The following NEDD4L variants were observed in gnomAD, a reference collection of about 807,000 sequenced individuals.
The protein encoded by NEDD4L is E3 ubiquitin-protein ligase NEDD4-like.
In NEDD4L, 54 loss-of-function variants were observed where a neutral mutation model predicts 148.9. The observed-to-expected ratio is 0.36, with a 90% confidence interval of 0.29 to 0.45. NEDD4L has a LOEUF of 0.45. Among genes scored for constraint, NEDD4L ranks in the 20% least tolerant of loss-of-function variants. The pLI is 1.00. For synonymous variants in NEDD4L, 433 were observed against 440.7 expected (o/e 0.98, Z 0.22); for missense variants, 856 against 1,233.8 (o/e 0.69, Z 4.59).
At chr18:58,395,474 G>C (rs2050368450) in intron 30 of NEDD4L, among the ~76,000 whole-genome samples, 1 of 152,156 alleles carries the variant, frequency 6.6e-6, no homozygotes, top group African/African-American at 2.4e-5. Flanking sequence ...CTATTGCCAG[G>C]GCGATTTGCA....
At chr18:58,306,824 G>A (rs988796244) in intron 5 of NEDD4L, among the ~76,000 whole-genome samples, 12 of 152,034 alleles carry the variant, frequency 7.9e-5, no homozygotes, top group African/African-American at 2.2e-4. Context: ...AGTACAGACC[G>A]GGTTTCACCA....
At chr18:58,245,368 C>A in intron 2 of NEDD4L, 59 bp from the exon 3 acceptor site, 1 of 811,938 alleles carries the variant, frequency 1.2e-6, no homozygotes, top group Non-Finnish European at 2.0e-6. Context: ...TTAGGTTCCA[C>A]TGTTTTCTCT....
chr18:58,110,182 C>G lies in NEDD4L; in HGVS notation c.49-55606C>G, dbSNP rs116232685. Reference sequence around the variant, plus strand: ...TTGGGTGTCCAAGTGGATAAATAGCCTTTCATGTGGAGGCTGAGGGCATGG... The same window carrying G: ...TTGGGTGTCCAAGTGGATAAATAGCGTTTCATGTGGAGGCTGAGGGCATGG... On this transcript the variant is annotated intron_variant, in intron 1 of 30. Transcript: ENST00000400345. Among the ~76,000 whole-genome samples the G allele has an allele frequency of 3.3e-3, 499 of 152,244 alleles. 5 individuals carry two copies. The highest frequency in any genetic ancestry group is 0.011 in the African/African-American group (453 of 41,538).
intron 1 of NEDD4L, among the ~76,000 whole-genome samples, chr18:58,126,530 C>G (rs546415110): frequency 6.6e-6 from 1 of 152,176 alleles, no homozygotes; most frequent in African/African-American, 2.4e-5. Flanking sequence ...TTAAAAAGTC[C>G]ATTCATCAAT....
At chr18:58,105,092 T>C (rs949407845) in intron 1 of NEDD4L, among the ~76,000 whole-genome samples, 15 of 152,142 alleles carry the variant, frequency 9.9e-5, no homozygotes, top group African/African-American at 3.1e-4. Flanking sequence ...CTGTAACTTA[T>C]AAGGTATGGT....
intron 1 of NEDD4L, among the ~76,000 whole-genome samples, chr18:58,084,710 T>TGTGTGTGTGTGTGTGTGTGTG (rs1599157510): frequency 6.6e-6 from 1 of 150,748 alleles, no homozygotes; most frequent in East Asian, 2.0e-4. Context: ...TGTGTGTGTG[T>TGTGTGTGTGTGTGTGTGTGTG]TTGAGACAGG....
intron 22 of NEDD4L, among the ~76,000 whole-genome samples, chr18:58,369,470 T>C (rs1353836763): frequency 2.2e-5 from 1 of 46,260 alleles, no homozygotes; most frequent in South Asian, 9.7e-4. Context: ...TGCACATCTG[T>C]CCGATGGGAA....
chr18:58,109,804 G>A (rs1196482112), intron 1 of NEDD4L, among the ~76,000 whole-genome samples: 2 of 151,974 alleles, frequency 1.3e-5, no homozygotes, highest in Non-Finnish European at 2.9e-5. Flanking sequence ...TCCTGACCTC[G>A]TGACCCACCT....
chr18:58,294,331 C>T (rs1184630955), intron 5 of NEDD4L, among the ~76,000 whole-genome samples: 1 of 152,108 alleles, frequency 6.6e-6, no homozygotes, highest in African/African-American at 2.4e-5. Context: ...ATTTTGGTAT[C>T]CATGTGTTTT....
intron 5 of NEDD4L, among the ~76,000 whole-genome samples, chr18:58,273,932 C>T (rs1437769853): frequency 1.3e-5 from 2 of 152,132 alleles, no homozygotes; most frequent in East Asian, 3.8e-4. Flanking sequence ...CCTCTCCCAT[C>T]CACACAGAGA....
At chr18:58,303,737 G>A (rs1254282264) in intron 5 of NEDD4L, among the ~76,000 whole-genome samples, 2 of 152,212 alleles carry the variant, frequency 1.3e-5, no homozygotes, top group African/African-American at 2.4e-5. Context: ...ATCCTGACCC[G>A]TGGTAGAGAT....
intron 1 of NEDD4L, among the ~76,000 whole-genome samples, chr18:58,077,160 CTTTTTTT>C (rs60248050): frequency 5.7e-4 from 28 of 48,920 alleles, no homozygotes; most frequent in African/African-American, 1.7e-3. Flanking sequence ...CTCATAACGG[CTTTTTTT>C]TTTTTTTTTT....
At chr18:58,345,837 G>T (rs1188062236) in intron 16 of NEDD4L, among the ~76,000 whole-genome samples, 1 of 151,816 alleles carries the variant, frequency 6.6e-6, no homozygotes, top group Non-Finnish European at 1.5e-5. Flanking sequence ...TGTCTCCCGG[G>T]TTCATGCGAT....
At chr18:58,258,340 T>TA (rs1237413798) in intron 5 of NEDD4L, among the ~76,000 whole-genome samples, 2 of 152,242 alleles carry the variant, frequency 1.3e-5, no homozygotes, top group African/African-American at 4.8e-5. Flanking sequence ...TTGGACCACT[T>TA]ACCGCATGAA....
Position 58,323,224 on chromosome 18 carries a change from G to T in NEDD4L, c.411-8G>T. 4.5e-6 allele frequency: 7 copies of T among 1,547,918 alleles called. No homozygotes were observed. Among genetic ancestry groups the T allele is most frequent in the Non-Finnish European group, 6.2e-6 (7 of 1,125,770 alleles). On this transcript the variant is annotated splice_region_variant and splice_polypyrimidine_tract_variant and intron_variant, in intron 7 of 30. Transcript: ENST00000400345. ...CTTCTAACCAATTTTCTTCCATTATGTGTGCAGTCATAAGTCTCGAGTTAA... is the reference window on the plus strand; with the variant it reads ...CTTCTAACCAATTTTCTTCCATTATTTGTGCAGTCATAAGTCTCGAGTTAA...
chr18:58,336,740 C>T (rs905095622), intron 13 of NEDD4L, among the ~76,000 whole-genome samples: 1 of 152,174 alleles, frequency 6.6e-6, no homozygotes, highest in Non-Finnish European at 1.5e-5. Context: ...AAACTGGCAA[C>T]AGTCAGCCCC....
intron 1 of NEDD4L, among the ~76,000 whole-genome samples, chr18:58,095,477 G>GCAGAGAGGCAGTGAGTGACA (rs11268037): frequency 1.2e-4 from 19 of 152,122 alleles, no homozygotes; most frequent in Non-Finnish European, 1.5e-4. Flanking sequence ...TCTGTCTGCA[G>GCAGAGAGGCAGTGAGTGACA]CACTGAGGCC....
chr18:58,334,000 A>G (rs2041382445), intron 12 of NEDD4L, 108 bp downstream of exon 12: 1 of 636,092 alleles, frequency 1.6e-6, no homozygotes, highest in Middle Eastern at 2.6e-4. Flanking sequence ...TTTACAATAT[A>G]AATGAGATGT....
intron 1 of NEDD4L, among the ~76,000 whole-genome samples, chr18:58,144,536 T>C (rs2033900612): frequency 6.6e-6 from 1 of 152,266 alleles, no homozygotes; most frequent in South Asian, 2.1e-4. Flanking sequence ...ATCCACACTA[T>C]GTCGTAGCCT....
Sources: allele counts gnomAD v4.1 joint callset (sites outside exome capture counted in the v4.1 genomes callset), GRCh38; gene constraint gnomAD v4.1.1; transcripts MANE v1.5; gene names NCBI Gene and HGNC (gene_info 2026-07-23, HGNC 2026-07-21).